RUNDC3B: variants seen among roughly 807,000 people sequenced by gnomAD.
RUNDC3B encodes RUN domain-containing protein 3B.
A neutral mutation model predicts 58.4 loss-of-function variants in RUNDC3B; 33 were observed. The ratio of observed to expected loss-of-function variants is 0.56; its 90% CI spans 0.43 to 0.75. The LOEUF (loss-of-function observed/expected upper bound fraction) is 0.75, where lower values mean the gene tolerates loss of function less well. Among genes scored for constraint, RUNDC3B ranks in the 30% least tolerant of loss-of-function variants. The pLI, the probability that RUNDC3B is intolerant of heterozygous loss-of-function variation, is 0.00. For synonymous variants in RUNDC3B, 193 were observed against 195.2 expected, an observed-to-expected ratio of 0.99 and a Z score of 0.10; for missense variants, 501 against 535.7, an observed-to-expected ratio of 0.94 and a Z score of 0.64.
Position 87,666,274 on chromosome 7 carries a change from C to T in RUNDC3B, c.238+15337C>T, listed in dbSNP as rs968820201. On this transcript the variant is annotated intron_variant, in intron 2 of 10. Transcript: ENST00000394654. ...GCTTTCTTTTCATATGCTTGTGGGC[C>T]GTGTGTATGCTTCCTTTGAAAAGTG... Among the ~76,000 whole-genome samples, 6 of 151,872 alleles carry T rather than the reference C, an allele frequency of 4.0e-5. 1 individual carries two copies. The East Asian group carries it at 5.8e-4, about 15-fold the overall frequency.
intron 10 of RUNDC3B, among the ~76,000 whole-genome samples, chr7:87,819,115 C>G (rs1837253984): frequency 6.6e-6 from 1 of 152,184 alleles, no homozygotes; most frequent in Admixed American, 6.5e-5. Context: ...TGCTTACGGG[C>G]TCTCTGCTGA....
chr7:87,824,169 A>T (rs1348794789), intron 10 of RUNDC3B, among the ~76,000 whole-genome samples: 1 of 151,288 alleles, frequency 6.6e-6, no homozygotes, highest in Non-Finnish European at 1.5e-5. Flanking sequence ...GCAATTAGTC[A>T]TAAGACAGAA....
chr7:87,708,495 C>A (rs1829799268), intron 3 of RUNDC3B, among the ~76,000 whole-genome samples: 2 of 152,062 alleles, frequency 1.3e-5, no homozygotes, highest in African/African-American at 2.4e-5. Context: ...GAAATGTAAT[C>A]TATAGTTAAA....
intron 6 of RUNDC3B, among the ~76,000 whole-genome samples, chr7:87,758,729 G>A (rs1167597351): frequency 1.3e-5 from 2 of 152,166 alleles, no homozygotes; most frequent in African/African-American, 4.8e-5. Context: ...GTGAAAAAGT[G>A]TACAACGTCA....
intron 6 of RUNDC3B, among the ~76,000 whole-genome samples, chr7:87,768,344 A>C (rs1275650792): frequency 1.3e-5 from 2 of 152,126 alleles, no homozygotes; most frequent in Non-Finnish European, 2.9e-5. Context: ...ATCTCCAGGG[A>C]TCCTGCAGCT....
chr7:87,668,500 T>G (rs576665223), intron 2 of RUNDC3B, among the ~76,000 whole-genome samples: 1 of 151,944 alleles, frequency 6.6e-6, no homozygotes, highest in Non-Finnish European at 1.5e-5. Context: ...CAGCTCTGAT[T>G]TTTTTTCTTG....
At position 87,710,596 on chromosome 7, in the gene RUNDC3B, C is replaced by A; in HGVS notation, c.399C>A (p.Leu133=). 6.3e-7 allele frequency: 1 copy of A among 1,599,292 alleles called. No homozygotes were observed. The highest frequency in any genetic ancestry group is 8.5e-7 in the Non-Finnish European group (1 of 1,169,864). ...GTAGAGCCTGGATCAGAGTAGCACT[C>A]ATGGAAAAACATTTATCTGAATACA... ...AKGRAWIRVA[L]MEKHLSEYIS... is the part of the protein sequence containing the mutation. The change falls in exon 4 of 11, where the codon CTC becomes CTA. Residue 133 remains leucine (L), a synonymous_variant. Transcript: ENST00000394654.
chr7:87,659,518 A>G (rs1218481857), intron 2 of RUNDC3B, among the ~76,000 whole-genome samples: 1 of 152,064 alleles, frequency 6.6e-6, no homozygotes, highest in East Asian at 1.9e-4. Context: ...TGTTTTAAAT[A>G]TTTCCTCTAC....
intron 2 of RUNDC3B, among the ~76,000 whole-genome samples, chr7:87,687,284 G>A (rs2130624436): frequency 6.6e-6 from 1 of 152,170 alleles, no homozygotes; most frequent in South Asian, 2.1e-4. Flanking sequence ...TGCACTGGCT[G>A]TTTACTGTGT....
intron 10 of RUNDC3B, among the ~76,000 whole-genome samples, chr7:87,827,812 A>G (rs954791569): frequency 6.6e-6 from 1 of 152,178 alleles, no homozygotes; most frequent in Non-Finnish European, 1.5e-5. Context: ...AATAGATAAT[A>G]TAACTTCTTC....
chr7:87,632,989 G>C (rs548453669), intron 1 of RUNDC3B, among the ~76,000 whole-genome samples: 4 of 152,230 alleles, frequency 2.6e-5, no homozygotes, highest in Admixed American at 2.6e-4. Context: ...AAGCACGGTG[G>C]AGACAAGTGA....
intron 6 of RUNDC3B, among the ~76,000 whole-genome samples, chr7:87,741,866 T>C (rs1584067220): frequency 1.3e-5 from 2 of 152,344 alleles, no homozygotes; most frequent in East Asian, 3.9e-4. Flanking sequence ...CTTTAATAGA[T>C]CTGAAATAGT....
At chr7:87,786,773 GA>G (rs1835246034) in intron 8 of RUNDC3B, among the ~76,000 whole-genome samples, 1 of 151,986 alleles carries the variant, frequency 6.6e-6, no homozygotes, top group Non-Finnish European at 1.5e-5. Context: ...TAATTGAAAG[GA>G]AACAAAGACT....
At chr7:87,744,840 TC>T (rs1832549814) in intron 6 of RUNDC3B, among the ~76,000 whole-genome samples, 1 of 152,216 alleles carries the variant, frequency 6.6e-6, no homozygotes, top group East Asian at 1.9e-4. Context: ...AGCTAGGACT[TC>T]CAGTACTATG....
chr7:87,686,521 A>T (rs1300084708), intron 2 of RUNDC3B, among the ~76,000 whole-genome samples: 1 of 152,200 alleles, frequency 6.6e-6, no homozygotes, highest in Admixed American at 6.5e-5. Flanking sequence ...GGCCACATAG[A>T]TTAAGAAAAA....
Position 87,830,801 on chromosome 7 carries a change from T to C in RUNDC3B, c.*771T>C, listed in dbSNP as rs1271586244. 2 of 151,776 alleles carry C rather than the reference T, an allele frequency of 1.3e-5. No homozygotes were observed. The highest frequency in any genetic ancestry group is 2.4e-5 in the African/African-American group (1 of 41,452). 9.4% of individuals were successfully genotyped at this position (151,776 alleles called of 1,614,324 possible). On this transcript the variant is annotated 3_prime_UTR_variant, in exon 11 of 11. Transcript: ENST00000394654. Reference sequence around the variant, plus strand: ...AAGTATGCCTCAAAAACTAGAAACATTTCAAAATGTAGAACAAACGTTGAA... The same window carrying C: ...AAGTATGCCTCAAAAACTAGAAACACTTCAAAATGTAGAACAAACGTTGAA...
Position 87,820,369 on chromosome 7 carries a change from C to A in RUNDC3B, c.1225+4107C>A, listed in dbSNP as rs185906095. On this transcript the variant is annotated intron_variant, in intron 10 of 10. Transcript: ENST00000394654. ...GTTTAATCTCTGAATAGACCAATAA[C>A]AGGATCTGAAATTGTGACAATAATC... is the stretch of plus-strand genomic sequence containing the variant. Among the ~76,000 whole-genome samples the A allele has an allele frequency of 1.9e-3, 290 of 152,292 alleles. 1 individual carries two copies. Among genetic ancestry groups the A allele is most frequent in the Non-Finnish European group, 3.2e-3 (216 of 68,020 alleles).
intron 2 of RUNDC3B, among the ~76,000 whole-genome samples, chr7:87,660,511 TTTTTA>T (rs1824585427): frequency 6.6e-6 from 1 of 152,096 alleles, no homozygotes; most frequent in Non-Finnish European, 1.5e-5. Flanking sequence ...TAGTTCTTTG[TTTTTA>T]TTTTATGATC....
At chr7:87,678,217 G>A (rs1417535688) in intron 2 of RUNDC3B, among the ~76,000 whole-genome samples, 1 of 152,138 alleles carries the variant, frequency 6.6e-6, no homozygotes, top group Non-Finnish European at 1.5e-5. Flanking sequence ...GCCTCTCAAA[G>A]TTCTGGGATT....
Sources: allele counts gnomAD v4.1 joint callset (sites outside exome capture counted in the v4.1 genomes callset), GRCh38; gene constraint gnomAD v4.1.1; transcripts MANE v1.5; gene names NCBI Gene and HGNC (gene_info 2026-07-23, HGNC 2026-07-21).